ADCY9: variants seen among roughly 807,000 people sequenced by gnomAD.
ADCY9 encodes the protein adenylate cyclase type 9.
In ADCY9, 50 loss-of-function variants were observed where a neutral mutation model predicts 101.5. The ratio of observed to expected loss-of-function variants is 0.49; its 90% CI spans 0.39 to 0.62. The LOEUF (loss-of-function observed/expected upper bound fraction) is 0.62. Ranked by LOEUF, ADCY9 falls within the 20% of genes least tolerant of loss-of-function variation. The pLI is 0.00. For missense variants in ADCY9, 1,662 were observed against 1,800.4 expected, an observed-to-expected ratio of 0.92 and a Z score of 1.39; for synonymous variants, 905 against 769.3, an observed-to-expected ratio of 1.18 and a Z score of -2.92.
At position 4,014,776 on chromosome 16, in the gene ADCY9, G is replaced by A. The variant is rs980228609; in HGVS notation, c.1694-7218C>T. Among the ~76,000 whole-genome samples, 5 of 29,822 alleles carry A rather than the reference G, an allele frequency of 1.7e-4. No individual in the cohort carries two copies. In the East Asian group the frequency reaches 8.3e-3, roughly 50 times the overall value. 19.6% of individuals were successfully genotyped at this position (29,822 alleles called of 152,430 possible). ...AAATAAAATTTTAGAGCATGTGCAC[G>A]CATTCTCTCTCTCTCTCCCTCCCGC... is the stretch of plus-strand genomic sequence containing the variant. On this transcript the variant is annotated intron_variant, in intron 2 of 10. Coordinates refer to ENST00000294016, the MANE Select transcript of ADCY9 (RefSeq NM_001116.4).
intron 2 of ADCY9, among the ~76,000 whole-genome samples, chr16:4,088,959 C>T (rs532458805): frequency 2.6e-5 from 4 of 152,154 alleles, no homozygotes; most frequent in African/African-American, 9.6e-5. Flanking sequence ...CATCCATACC[C>T]ATCGGCGGTC....
chr16:4,032,989 C>T (rs1261540939), intron 2 of ADCY9: 4 of 152,292 alleles, frequency 2.6e-5, no homozygotes, highest in African/African-American at 7.2e-5. Flanking sequence ...CGCCCCACCA[C>T]GTGGCAACCC....
At position 3,983,404 on chromosome 16, in the gene ADCY9, G is replaced by A; in HGVS notation, c.2347C>T (p.Pro783Ser). ...KNSPVKTFASPTFSSLLDVFL... is the reference protein window; with the variant it reads ...KNSPVKTFASSTFSSLLDVFL... ...ACATCCAGGAGGGAGCTGAAGGTGG[G>A]ACTAGCAAACGTCTTCACGGGGGAG... is the stretch of plus-strand genomic sequence containing the variant. Residue 783 changes from proline (P) to serine (S), a missense_variant, in exon 7 of 11, where the codon CCC becomes TCC. This residue lies in a region of ADCY9 where 624 missense variants were observed against 639.1 expected (regional missense o/e 0.98). Coordinates refer to ENST00000294016, the MANE Select transcript of ADCY9 (RefSeq NM_001116.4). 1.2e-6 allele frequency: 2 copies of A among 1,607,988 alleles called. No individual in the cohort carries two copies. The highest frequency in any genetic ancestry group is 8.5e-7 in the Non-Finnish European group (1 of 1,176,822).
downstream of ADCY9, among the ~76,000 whole-genome samples, chr16:3,958,862 G>A (rs1399559958): frequency 6.6e-6 from 1 of 151,630 alleles, no homozygotes; most frequent in Admixed American, 6.6e-5. Context: ...TTTTAGTAGA[G>A]ACAGGGTTTC....
At chr16:4,105,169 T>G (rs138256185) in intron 2 of ADCY9, among the ~76,000 whole-genome samples, 5,036 of 152,294 alleles carry the variant, frequency 0.033, 127 homozygotes, top group Non-Finnish European at 0.046. Context: ...AATTTTTTCA[T>G]TTTACAAAAT....
intron 2 of ADCY9, among the ~76,000 whole-genome samples, chr16:4,086,337 G>A (rs1336470364): frequency 6.6e-6 from 1 of 152,078 alleles, no homozygotes; most frequent in African/African-American, 2.4e-5. Context: ...TGTACTACGT[G>A]GCAGGGGTGG....
intron 2 of ADCY9, among the ~76,000 whole-genome samples, chr16:4,079,278 T>C (rs747630112): frequency 6.6e-6 from 1 of 152,192 alleles, no homozygotes; most frequent in African/African-American, 2.4e-5. Context: ...CAGATGTATG[T>C]ACAGACTTGG....
chr16:4,094,961 T>A (rs2056994018), intron 2 of ADCY9, among the ~76,000 whole-genome samples: 2 of 151,600 alleles, frequency 1.3e-5, no homozygotes, highest in South Asian at 4.2e-4. Flanking sequence ...TTTTTATAAA[T>A]CTTTGACAAA....
At chr16:3,990,107 C>G (rs1597149198) in intron 5 of ADCY9, among the ~76,000 whole-genome samples, 1 of 152,182 alleles carries the variant, frequency 6.6e-6, no homozygotes. Flanking sequence ...GGAACGTTAA[C>G]ATGATTTCAG....
chr16:4,079,306 C>T (rs191279453), intron 2 of ADCY9, among the ~76,000 whole-genome samples: 1 of 152,276 alleles, frequency 6.6e-6, no homozygotes, highest in East Asian at 1.9e-4. Flanking sequence ...TGGTGGCTCA[C>T]GCATGTAATC....
chr16:4,057,038 G>GGGGC, intron 2 of ADCY9, among the ~76,000 whole-genome samples: 1 of 83,560 alleles, frequency 1.2e-5, no homozygotes, highest in African/African-American at 5.2e-5. Context: ...TGATGAAACC[G>GGGGC]CCCCCCCCCC....
chr16:4,098,595 T>A (rs567338182), intron 2 of ADCY9, among the ~76,000 whole-genome samples: 31 of 152,186 alleles, frequency 2.0e-4, no homozygotes, highest in Admixed American at 9.2e-4. Context: ...ATGTATTATA[T>A]GCCTGGCTAT....
intron 7 of ADCY9, chr16:3,983,019 C>G (rs2056157090): frequency 3.4e-6 from 2 of 591,110 alleles, no homozygotes; most frequent in Non-Finnish European, 5.9e-6. Context: ...GCACCGCCCC[C>G]TCCAGCGAGG....
intron 2 of ADCY9, among the ~76,000 whole-genome samples, chr16:4,059,953 T>C (rs957080180): frequency 6.6e-6 from 1 of 151,892 alleles, no homozygotes; most frequent in Non-Finnish European, 1.5e-5. Flanking sequence ...GTTAGAGCGG[T>C]GGTGTTCTGT....
chr16:4,002,848 T>A (rs2056340317), intron 3 of ADCY9, among the ~76,000 whole-genome samples: 1 of 152,138 alleles, frequency 6.6e-6, no homozygotes, highest in South Asian at 2.1e-4. Context: ...CTGAGTGGCT[T>A]AGGACTACAG....
chr16:4,013,069 T>C (rs112973928), intron 2 of ADCY9, among the ~76,000 whole-genome samples: 201 of 151,756 alleles, frequency 1.3e-3, no homozygotes, highest in African/African-American at 4.7e-3. Flanking sequence ...CTGGACAACA[T>C]AGCGAGATCC....
chr16:3,963,600 T>C lies in ADCY9; in HGVS notation c.*2175A>G. ...CCCGGGGTGAGGAATCACAAACACC[T>C]TTGTGGTTGGGGAAGGAAATGGGCT... On this transcript the variant is annotated 3_prime_UTR_variant, in exon 11 of 11. Transcript: ENST00000294016. 1 of 361,058 alleles carries C rather than the reference T, an allele frequency of 2.8e-6. No individual in the cohort carries two copies. The highest frequency in any genetic ancestry group is 4.9e-6 in the Non-Finnish European group (1 of 202,448). The allele number at this position is 361,058 out of a possible 1,614,324, so 22.4% of individuals were successfully genotyped here. A position where few individuals can be genotyped will look rare whatever the true frequency, so the allele number is the denominator to read the frequency against.
chr16:4,079,992 C>T (rs1239328181), intron 2 of ADCY9, among the ~76,000 whole-genome samples: 2 of 152,044 alleles, frequency 1.3e-5, no homozygotes, highest in Non-Finnish European at 2.9e-5. Flanking sequence ...CTTCAAAAGT[C>T]ACACATTCCT....
intron 2 of ADCY9, among the ~76,000 whole-genome samples, chr16:4,072,745 A>C (rs1471040529): frequency 6.6e-6 from 1 of 152,222 alleles, no homozygotes; most frequent in African/African-American, 2.4e-5. Context: ...GGACTCCAAA[A>C]AAGAGAAATA....
Sources: gnomAD v4.1 joint callset for allele counts (sites outside exome capture counted in the v4.1 genomes callset) on GRCh38, gnomAD v4.1.1 for gene constraint, gnomAD v4.1.1 regional missense constraint, MANE v1.5 for transcripts, NCBI Gene and HGNC (gene_info 2026-07-23, HGNC 2026-07-21) for gene names.